The following FSHR variants were observed in gnomAD, a reference collection of about 807,000 sequenced individuals.
FSHR encodes follicle stimulating hormone receptor, also known as follicle-stimulating hormone receptor.
In FSHR, 46 loss-of-function variants were observed where a neutral mutation model predicts 52.1. The observed-to-expected ratio is 0.88, with a 90% confidence interval of 0.70 to 1.13. The LOEUF (loss-of-function observed/expected upper bound fraction) is 1.13, where lower values mean the gene tolerates loss of function less well. Among genes scored for constraint, FSHR ranks in the 50% most tolerant of loss-of-function variants. FSHR has a pLI of 0.00. For missense variants in FSHR, 964 were observed against 834.6 expected (o/e 1.16, Z -1.91); for synonymous variants, 399 against 309.6 (o/e 1.29, Z -3.03).
intron 1 of FSHR, among the ~76,000 whole-genome samples, chr2:49,104,439 G>A (rs942361476): frequency 3.3e-5 from 5 of 152,104 alleles, no homozygotes; most frequent in South Asian, 4.1e-4. Context: ...AAAGTTGTTC[G>A]GAGAGCCATT....
intron 1 of FSHR, among the ~76,000 whole-genome samples, chr2:49,094,179 T>C (rs1670730100): frequency 6.6e-6 from 1 of 152,182 alleles, no homozygotes; most frequent in Non-Finnish European, 1.5e-5. Context: ...GGATTAAACT[T>C]TTAGAATCCA....
intron 1 of FSHR, among the ~76,000 whole-genome samples, chr2:49,109,357 A>G (rs942893480): frequency 6.6e-5 from 10 of 152,160 alleles, no homozygotes; most frequent in African/African-American, 2.4e-4. Flanking sequence ...GAGAAATGCC[A>G]TGAGAGATGA....
At chr2:49,124,674 G>A (rs958973944) in intron 1 of FSHR, among the ~76,000 whole-genome samples, 3 of 151,904 alleles carry the variant, frequency 2.0e-5, no homozygotes, top group Non-Finnish European at 2.9e-5. Flanking sequence ...CCCAGAATCC[G>A]ACCCCTTCTC....
intron 6 of FSHR, among the ~76,000 whole-genome samples, chr2:48,985,156 A>C (rs1183655346): frequency 1.3e-5 from 2 of 152,228 alleles, no homozygotes; most frequent in African/African-American, 4.8e-5. Context: ...CCTGGGCAGA[A>C]CATCAACTAA....
At chr2:49,000,303 A>T (rs1232330690) in intron 4 of FSHR, among the ~76,000 whole-genome samples, 2 of 152,192 alleles carry the variant, frequency 1.3e-5, no homozygotes, top group East Asian at 3.9e-4. Flanking sequence ...AGATTAGGGT[A>T]AAAAGAATCA....
chr2:49,119,963 A>G (rs191981371), intron 1 of FSHR, among the ~76,000 whole-genome samples: 4 of 152,176 alleles, frequency 2.6e-5, no homozygotes, highest in Admixed American at 6.5e-5. Flanking sequence ...AGTGGGCTCT[A>G]TGACGGCTCT....
At chr2:48,974,006 T>C (rs1019487855) in intron 8 of FSHR, among the ~76,000 whole-genome samples, 1 of 152,184 alleles carries the variant, frequency 6.6e-6, no homozygotes, top group African/African-American at 2.4e-5. Context: ...TAAGTAGTTG[T>C]CTGATAAGCA....
In FSHR at chr2:48,989,016, C is replaced by T. The variant is rs111883853; in HGVS notation, c.485G>A (p.Arg162Lys). 4.2e-3 allele frequency: 6,833 copies of T among 1,613,862 alleles called. 26 individuals are homozygous for T. Among genetic ancestry groups the T allele is most frequent in the Non-Finnish European group, 4.9e-3 (5,788 of 1,179,826 alleles). Reference sequence around the variant, plus strand: ...AAAGCTCAGCCCCACGAAAGAATTTCTTTCAATTGTGTGGATGTTTATGTT... The same window carrying T: ...AAAGCTCAGCCCCACGAAAGAATTTTTTTCAATTGTGTGGATGTTTATGTT... ...QDNINIHTIERNSFVGLSFES... is the reference protein window; with the variant it reads ...QDNINIHTIEKNSFVGLSFES... Residue 162 changes from arginine to lysine, a missense_variant, in exon 6 of 10, where the codon AGA becomes AAA. By Grantham distance (26) the Arg-to-Lys change is conservative (BLOSUM62 2). Coordinates refer to ENST00000406846, the MANE Select transcript of FSHR (RefSeq NM_000145.4).
At chr2:48,977,872 C>A (rs1024645301) in intron 8 of FSHR, among the ~76,000 whole-genome samples, 1 of 152,038 alleles carries the variant, frequency 6.6e-6, no homozygotes, top group Non-Finnish European at 1.5e-5. Context: ...GCTGGACAAG[C>A]GGGGAGGGGT....
intron 1 of FSHR, among the ~76,000 whole-genome samples, chr2:49,125,195 A>G (rs1420885507): frequency 6.6e-6 from 1 of 152,164 alleles, no homozygotes; most frequent in Non-Finnish European, 1.5e-5. Context: ...CTTTTTTAGT[A>G]GCATACATCA....
intron 3 of FSHR, 142 bp downstream of exon 3, chr2:49,019,944 T>C: frequency 1.2e-6 from 1 of 817,952 alleles, no homozygotes; most frequent in Middle Eastern, 2.3e-4. Flanking sequence ...TTACAGTGCC[T>C]TTTAGGCTGA....
chr2:49,014,978 G>A (rs528352914), intron 4 of FSHR: 1 of 453,522 alleles, frequency 2.2e-6, no homozygotes, highest in Non-Finnish European at 4.5e-6. Flanking sequence ...TGGGAGAAAG[G>A]AAGAAAGAAT....
Position 48,962,713 on chromosome 2 carries a change from A to G in FSHR, c.*20T>C. On this transcript the variant is annotated 3_prime_UTR_variant, in exon 10 of 10. Transcript: ENST00000406846. ...GACTGAATTATCATTCAATACTCAGATACATTTTCACATTGTGTTTTAGTT... is the reference window on the plus strand; with the variant it reads ...GACTGAATTATCATTCAATACTCAGGTACATTTTCACATTGTGTTTTAGTT... 2 of 1,609,184 alleles carry G rather than the reference A, an allele frequency of 1.2e-6. No individual in the cohort carries two copies. The highest frequency in any genetic ancestry group is 1.7e-6 in the Non-Finnish European group (2 of 1,175,514).
At position 48,988,993 on chromosome 2, in the gene FSHR, AG is replaced by A. The variant is rs746673169; in HGVS notation, c.507del (p.Phe170LeufsTer4). 1.2e-6 allele frequency: 2 copies of A among 1,613,898 alleles called. No individual in the cohort carries two copies. Among genetic ancestry groups the A allele is most frequent in the Non-Finnish European group, 1.7e-6 (2 of 1,179,816 alleles). On this transcript the variant is annotated frameshift_variant, in exon 6 of 10. Coordinates refer to ENST00000406846, the MANE Select transcript of FSHR (RefSeq NM_000145.4). LOFTEE classifies it high-confidence loss of function. ...TIERNSFVGL[S>X]FESVILWLNK... is the part of the protein sequence containing the mutation. Reference sequence around the variant, plus strand: ...CTTACTTACAGAATCACACTTTCAAAGCTCAGCCCCACGAAAGAATTTCTTT... The same window carrying A: ...CTTACTTACAGAATCACACTTTCAAACTCAGCCCCACGAAAGAATTTCTTT...
chr2:49,024,010 C>T (rs1050332146), intron 2 of FSHR, among the ~76,000 whole-genome samples: 27 of 152,090 alleles, frequency 1.8e-4, no homozygotes, highest in Non-Finnish European at 4.4e-5. Context: ...TTGGTCTGCT[C>T]CAGCATGAAA....
At chr2:49,052,566 C>T in intron 2 of FSHR, among the ~76,000 whole-genome samples, 1 of 152,130 alleles carries the variant, frequency 6.6e-6, no homozygotes, top group East Asian at 1.9e-4. Flanking sequence ...TAAAGTTCTC[C>T]AGGGGATTCT....
At chr2:48,997,727 A>C (rs531769147) in intron 4 of FSHR, among the ~76,000 whole-genome samples, 1 of 152,198 alleles carries the variant, frequency 6.6e-6, no homozygotes, top group East Asian at 1.9e-4. Flanking sequence ...GCCATATCTG[A>C]GATTCTGATT....
chr2:49,015,948 C>T (rs1018128052), intron 4 of FSHR, among the ~76,000 whole-genome samples: 2 of 152,170 alleles, frequency 1.3e-5, no homozygotes, highest in African/African-American at 4.8e-5. Flanking sequence ...CTACCTCTGA[C>T]AGTAACTTAG....
chr2:49,104,723 C>T (rs1014202548), intron 1 of FSHR, among the ~76,000 whole-genome samples: 2 of 152,024 alleles, frequency 1.3e-5, no homozygotes, highest in Admixed American at 6.5e-5. Flanking sequence ...TTTGGTTCTT[C>T]TCTATCTCTG....
Sources: gnomAD v4.1 joint callset for allele counts (sites outside exome capture counted in the v4.1 genomes callset) on GRCh38, gnomAD v4.1.1 for gene constraint, MANE v1.5 for transcripts, NCBI Gene and HGNC (gene_info 2026-07-23, HGNC 2026-07-21) for gene names.